Variants in AURKA observed in about 807,000 individuals in gnomAD.
AURKA encodes aurora kinase A, also known as aurora 2.
In AURKA, 12 loss-of-function variants were observed where a neutral mutation model predicts 40.9. The observed-to-expected ratio is 0.29, with a 90% CI of 0.19 to 0.48. AURKA has a LOEUF of 0.48. Ranked by LOEUF, AURKA falls within the 20% of genes least tolerant of loss-of-function variation. AURKA has a pLI of 0.99. For missense variants in AURKA, 322 were observed against 462.1 expected, an observed-to-expected ratio of 0.70 and a Z score of 2.78; for synonymous variants, 170 against 164.3, an observed-to-expected ratio of 1.03 and a Z score of -0.26.
At chr20:56,384,635 T>C (rs1051778064) in intron 3 of AURKA, among the ~76,000 whole-genome samples, 2 of 152,188 alleles carry the variant, frequency 1.3e-5, no homozygotes, top group African/African-American at 4.8e-5. Context: ...AGAGCTTTTG[T>C]GGCAGAAGTA....
intron 6 of AURKA, among the ~76,000 whole-genome samples, chr20:56,376,935 C>A (rs1252045281): frequency 6.6e-6 from 1 of 152,098 alleles, no homozygotes; most frequent in Non-Finnish European, 1.5e-5. Flanking sequence ...CAAAAATTAG[C>A]TGGGCGTGGT....
Position 56,380,354 on chromosome 20 carries a change from CAAAAAGAAAAAAAAAA to C in AURKA, c.705+1063_705+1078del, listed in dbSNP as rs1985547994. Reference sequence around the variant, plus strand: ...TGGGCGACAGAGTGAGACTCCGTCTCAAAAAGAAAAAAAAAAAAAAAGAAAGAAAAAAAGTTCCCAG... The same window carrying C: ...TGGGCGACAGAGTGAGACTCCGTCTCAAAAAGAAAGAAAAAAAGTTCCCAG... On this transcript the variant is annotated intron_variant, in intron 6 of 8. Transcript: ENST00000395915. 1.3e-4 allele frequency among the ~76,000 whole-genome samples: 6 copies of C among 47,976 alleles called. No homozygotes were observed. In the South Asian group the frequency reaches 3.7e-3, roughly 30 times the overall value. 31.5% of individuals were successfully genotyped at this position (47,976 alleles called of 152,430 possible). A position where few individuals can be genotyped will look rare whatever the true frequency, so the allele number is the denominator to read the frequency against.
intron 6 of AURKA, among the ~76,000 whole-genome samples, chr20:56,378,426 T>G (rs1161564559): frequency 6.6e-6 from 1 of 152,202 alleles, no homozygotes; most frequent in Non-Finnish European, 1.5e-5. Context: ...TTTCCTACAT[T>G]TGTAATGCAA....
intron 2 of AURKA, among the ~76,000 whole-genome samples, chr20:56,387,191 T>C (rs1986473934): frequency 1.3e-5 from 2 of 152,202 alleles, no homozygotes; most frequent in Admixed American, 1.3e-4. Context: ...TCTTGCTCTG[T>C]CACCCAGACT....
chr20:56,384,416 A>G, intron 3 of AURKA, 92 bp from the exon 4 acceptor site: 1 of 937,954 alleles, frequency 1.1e-6, no homozygotes, highest in East Asian at 2.4e-5. Context: ...TTGGTCACCA[A>G]AATATTAATG....
In AURKA at chr20:56,370,673, G is replaced by A; in HGVS notation, c.855-14C>T. On this transcript the variant is annotated splice_polypyrimidine_tract_variant and intron_variant, in intron 7 of 8. Transcript: ENST00000395915. ...AGAGTGGTCCTCCTGAAAACGGAGG[G>A]AGGCTCAGGTTGATGTGCTTCTCGT... 1 of 1,614,100 alleles carries A rather than the reference G, an allele frequency of 6.2e-7. No homozygotes were observed. Among genetic ancestry groups the A allele is most frequent in the Non-Finnish European group, 8.5e-7 (1 of 1,179,988 alleles).
chr20:56,369,812 GCAGAGTGGT>G lies in AURKA; in HGVS notation c.*337_*345del, dbSNP rs1983858169. ...AGCTCCTTAACTGATCGGGGTCAGG[GCAGAGTGGT>G]CACTTTCCCCACAGCCAGGCTCTGG... On this transcript the variant is annotated 3_prime_UTR_variant, in exon 9 of 9. Transcript: ENST00000395915. 2.1e-6 allele frequency: 1 copy of G among 474,062 alleles called. No homozygotes were observed. The highest frequency in any genetic ancestry group is 3.9e-6 in the Non-Finnish European group (1 of 257,712). The allele number at this position is 474,062 out of a possible 1,614,324, so 29.4% of individuals were successfully genotyped here. A position where few individuals can be genotyped will look rare whatever the true frequency, so the allele number is the denominator to read the frequency against.
intron 1 of AURKA, among the ~76,000 whole-genome samples, chr20:56,391,462 T>A (rs1261674792): frequency 6.6e-6 from 1 of 152,144 alleles, no homozygotes; most frequent in African/African-American, 2.4e-5. Context: ...TAGTTCTCAA[T>A]GAAACCTAAG....
At chr20:56,372,185 C>A (rs931049737) in intron 7 of AURKA, among the ~76,000 whole-genome samples, 1 of 152,154 alleles carries the variant, frequency 6.6e-6, no homozygotes, top group African/African-American at 2.4e-5. Flanking sequence ...TGTGTTCAGC[C>A]AGGCCTGGCA....
intron 6 of AURKA, among the ~76,000 whole-genome samples, chr20:56,380,885 C>T (rs1569068832): frequency 1.3e-5 from 2 of 152,126 alleles, no homozygotes; most frequent in Admixed American, 6.5e-5. Flanking sequence ...TTGAATGTGA[C>T]AAATGTGCCA....
At chr20:56,389,162 T>C (rs987770795) in intron 1 of AURKA, among the ~76,000 whole-genome samples, 4 of 152,154 alleles carry the variant, frequency 2.6e-5, no homozygotes, top group African/African-American at 7.2e-5. Flanking sequence ...GCTGGGTCAG[T>C]CTCATTTTTG....
In AURKA at chr20:56,370,140, T is replaced by G; in HGVS notation, c.*18A>C. On this transcript the variant is annotated 3_prime_UTR_variant, in exon 9 of 9. Transcript: ENST00000395915. ...ATATGGCAGCCCTGGCTCAAGGATT[T>G]CTCCCCCTGCACGATTCCTAAGACT... 6.2e-7 allele frequency: 1 copy of G among 1,612,184 alleles called. No individual in the cohort carries two copies. Among genetic ancestry groups the G allele is most frequent in the Non-Finnish European group, 8.5e-7 (1 of 1,179,942 alleles).
chr20:56,381,352 C>T, intron 6 of AURKA, 81 bp downstream of exon 6: 1 of 1,563,308 alleles, frequency 6.4e-7, no homozygotes, highest in Non-Finnish European at 8.8e-7. Flanking sequence ...AAAACCCACT[C>T]TACTATGATG....
intron 4 of AURKA, 66 bp from the exon 5 acceptor site, chr20:56,383,242 G>T (rs1985953837): frequency 5.3e-6 from 8 of 1,503,952 alleles, no homozygotes; most frequent in Non-Finnish European, 7.4e-6. Context: ...TTTTCAATGA[G>T]TAGCAGACAC....
At chr20:56,381,650 C>T (rs966355438) in intron 5 of AURKA, 79 bp from the exon 6 acceptor site, 1 of 1,568,142 alleles carries the variant, frequency 6.4e-7, no homozygotes, top group Non-Finnish European at 8.7e-7. Context: ...ACAAACTCTT[C>T]ATGTAAAACC....
intron 6 of AURKA, among the ~76,000 whole-genome samples, chr20:56,380,830 T>C (rs1364350256): frequency 2.0e-5 from 3 of 152,186 alleles, no homozygotes; most frequent in Admixed American, 2.0e-4. Context: ...AAAATCTGAA[T>C]AAAATGTGGA....
At chr20:56,371,537 G>T (rs1470029743) in intron 7 of AURKA, among the ~76,000 whole-genome samples, 2 of 144,990 alleles carry the variant, frequency 1.4e-5, no homozygotes, top group East Asian at 4.0e-4. Flanking sequence ...GCAAATACGG[G>T]GAATAAAGGT....
At chr20:56,387,607 GA>G (rs1986530002) in intron 2 of AURKA, among the ~76,000 whole-genome samples, 1 of 152,214 alleles carries the variant, frequency 6.6e-6, no homozygotes, top group Non-Finnish European at 1.5e-5. Context: ...ACAAGTGCTA[GA>G]AATGAAAGCC....
At chr20:56,379,204 C>G (rs1319075237) in intron 6 of AURKA, among the ~76,000 whole-genome samples, 1 of 152,174 alleles carries the variant, frequency 6.6e-6, no homozygotes, top group East Asian at 1.9e-4. Flanking sequence ...TGCACATAAG[C>G]ACTCTAATTG....
Sources: gnomAD v4.1 joint callset for allele counts (sites outside exome capture counted in the v4.1 genomes callset) on GRCh38, gnomAD v4.1.1 for gene constraint, MANE v1.5 for transcripts, NCBI Gene and HGNC (gene_info 2026-07-23, HGNC 2026-07-21) for gene names.